Variants in ZMYM2 observed in about 807,000 individuals in gnomAD.
ZMYM2 encodes zinc finger MYM-type protein 2.
ZMYM2 carries 56 observed loss-of-function variants against 162.8 expected under a neutral mutation model. That is an observed-to-expected ratio of 0.34 (90% CI 0.28 to 0.43). The LOEUF is 0.43. Ranked by LOEUF, ZMYM2 falls within the 20% of genes least tolerant of loss-of-function variation. ZMYM2 has a pLI of 1.00. For synonymous variants in ZMYM2, 510 were observed against 541.6 expected (o/e 0.94, Z 0.81); for missense variants, 1,275 against 1,621.8 (o/e 0.79, Z 3.67).
chr13:19,875,752 C>T, the ZMYM2 span, among the ~76,000 whole-genome samples: 2 of 151,928 alleles, frequency 1.3e-5, no homozygotes, highest in Non-Finnish European at 2.9e-5. Flanking sequence ...GCGTGTTCTC[C>T]CTTATGAGAG....
chr13:19,874,180 C>T, the ZMYM2 span, among the ~76,000 whole-genome samples: 2 of 152,110 alleles, frequency 1.3e-5, no homozygotes. Context: ...ACTTATGAAT[C>T]ACCTATGAGG....
At chr13:19,885,920 T>TATATGTGTGTATACACAC in the ZMYM2 span, among the ~76,000 whole-genome samples, 2 of 57,458 alleles carry the variant, frequency 3.5e-5, 1 homozygote, top group Non-Finnish European at 7.6e-5. Flanking sequence ...TATATACACA[T>TATATGTGTGTATACACAC]ATATATGTGT....
At chr13:20,061,944 TCTTAAC>T (rs1956267543) in intron 17 of ZMYM2, among the ~76,000 whole-genome samples, 1 of 151,780 alleles carries the variant, frequency 6.6e-6, no homozygotes, top group Non-Finnish European at 1.5e-5. Flanking sequence ...CCAGAGTTTA[TCTTAAC>T]CTCTGTTAGG....
the ZMYM2 span, among the ~76,000 whole-genome samples, chr13:19,874,760 C>T: frequency 6.6e-6 from 1 of 151,898 alleles, no homozygotes; most frequent in Non-Finnish European, 1.5e-5. Flanking sequence ...CTTTGGGGTC[C>T]ATTATTAAGC....
the ZMYM2 span, among the ~76,000 whole-genome samples, chr13:19,929,489 C>G: frequency 6.6e-6 from 1 of 152,142 alleles, no homozygotes; most frequent in Non-Finnish European, 1.5e-5. Context: ...CTGCCCGCCT[C>G]GACCTCCCAA....
intron 16 of ZMYM2, among the ~76,000 whole-genome samples, chr13:20,060,313 G>A (rs1484947583): frequency 1.3e-5 from 2 of 152,132 alleles, no homozygotes; most frequent in African/African-American, 4.8e-5. Context: ...GTTCATCCTC[G>A]AGAGTGACAT....
At chr13:20,068,400 G>A (rs1956836248) in intron 21 of ZMYM2, 2 of 166,344 alleles carry the variant, frequency 1.2e-5, no homozygotes, top group East Asian at 1.2e-4. Context: ...GTTAATATTC[G>A]TCCATAGAAC....
chr13:19,964,620 T>C (rs1179453728), intron 2 of ZMYM2, among the ~76,000 whole-genome samples: 4 of 152,186 alleles, frequency 2.6e-5, no homozygotes, highest in Non-Finnish European at 5.9e-5. Context: ...GTATAAGTTA[T>C]CATCTTGTTT....
intron 2 of ZMYM2, among the ~76,000 whole-genome samples, chr13:19,979,104 A>G (rs1957061455): frequency 6.6e-6 from 1 of 152,168 alleles, no homozygotes. Flanking sequence ...TTTCTGATGA[A>G]AAAATGCTGA....
the ZMYM2 span, among the ~76,000 whole-genome samples, chr13:19,889,461 A>G: frequency 9.2e-5 from 14 of 152,014 alleles, no homozygotes; most frequent in Non-Finnish European, 1.5e-4. Flanking sequence ...CTGGGGTTAC[A>G]GGCTCCCGCC....
the ZMYM2 span, among the ~76,000 whole-genome samples, chr13:19,919,316 A>G: frequency 6.6e-6 from 1 of 152,168 alleles, no homozygotes; most frequent in South Asian, 2.1e-4. Flanking sequence ...GACCACTTGT[A>G]CAGGTTTTTT....
At chr13:19,864,894 A>G in the ZMYM2 span, 1 of 152,202 alleles carries the variant, frequency 6.6e-6, no homozygotes, top group Non-Finnish European at 1.5e-5. Flanking sequence ...GTGCTGAACC[A>G]TTTCCCGGAC....
rs751586194 is a variant in ZMYM2 at position 19,993,411 on chromosome 13, A to G, written c.339A>G (p.Val113=). The G allele has an allele frequency of 1.2e-6, 2 of 1,613,882 alleles. No homozygotes were observed. The highest frequency in any genetic ancestry group is 1.7e-6 in the Non-Finnish European group (2 of 1,179,874). ...SKELASQKGS[V]SETIVIDDEE... is the part of the protein sequence containing the mutation. ...AGTTGGCATCTCAGAAGGGAAGTGT[A>G]AGTGAGACAATTGTCATTGATGATG... Residue 113 remains valine, a synonymous_variant, in exon 3 of 25, where the codon GTA becomes GTG. Transcript: ENST00000610343.
intron 17 of ZMYM2, 137 bp downstream of exon 17, chr13:20,061,361 T>C (rs1287870912): frequency 4.8e-6 from 4 of 842,058 alleles, no homozygotes; most frequent in East Asian, 3.2e-5. Context: ...CAAAAATGTT[T>C]TTTATATTAA....
the ZMYM2 span, among the ~76,000 whole-genome samples, chr13:19,947,114 TC>T: frequency 8.2e-3 from 1,253 of 152,114 alleles, 20 homozygotes; most frequent in African/African-American, 0.029. Context: ...CGATCTCGGC[TC>T]ACTGCAAGCT....
At chr13:20,067,476 T>C in intron 21 of ZMYM2, 86 bp downstream of exon 21, 1 of 1,336,922 alleles carries the variant, frequency 7.5e-7, no homozygotes. Context: ...ATGGAACCTT[T>C]ATTGACTTAC....
intron 6 of ZMYM2, among the ~76,000 whole-genome samples, chr13:20,009,509 A>G (rs967338345): frequency 4.6e-5 from 7 of 152,188 alleles, no homozygotes; most frequent in African/African-American, 1.7e-4. Context: ...CGTTGACTCT[A>G]TTTCTGAAAC....
At position 20,005,219 on chromosome 13, in the gene ZMYM2, A is replaced by G. The variant is rs1471264727; in HGVS notation, c.1279A>G (p.Ile427Val). 4 of 1,572,564 alleles carry G rather than the reference A, an allele frequency of 2.5e-6. No individual in the cohort carries two copies. Among genetic ancestry groups the G allele is most frequent in the Non-Finnish European group, 3.4e-6 (4 of 1,165,864 alleles). The change falls in exon 5 of 25, where the codon ATC (isoleucine) becomes GTC (valine). Residue 427 changes from isoleucine (I) to valine (V), a missense_variant. By Grantham distance (29) the Ile-to-Val change is conservative (BLOSUM62 3). This residue lies in a region of ZMYM2 where 276 missense variants were observed against 311.8 expected (regional missense o/e 0.89). Coordinates refer to ENST00000610343, the MANE Select transcript of ZMYM2 (RefSeq NM_197968.4). ...KGALNKSRCT[I>V]CGKLTEIRHE... Reference sequence around the variant, plus strand: ...AGCTCTAAATAAATCAAGATGTACAATCTGTGGTAAACTAACTGAGGTTTG... The same window carrying G: ...AGCTCTAAATAAATCAAGATGTACAGTCTGTGGTAAACTAACTGAGGTTTG...
At chr13:19,959,200 G>A (rs1954877241) in intron 1 of ZMYM2, among the ~76,000 whole-genome samples, 1 of 148,550 alleles carries the variant, frequency 6.7e-6, no homozygotes, top group African/African-American at 2.4e-5. Context: ...GGGACGGCGG[G>A]GCGGGGGTGC....
Sources: allele counts gnomAD v4.1 joint callset (sites outside exome capture counted in the v4.1 genomes callset), GRCh38; gene constraint gnomAD v4.1.1; regional missense constraint gnomAD v4.1.1; transcripts MANE v1.5; gene names NCBI Gene and HGNC (gene_info 2026-07-23, HGNC 2026-07-21).